The following MROH7 variants were observed in gnomAD, a reference collection of about 807,000 sequenced individuals.
MROH7 encodes the protein maestro heat like repeat family member 7.
Under a neutral mutation model 129.2 loss-of-function variants are expected in MROH7, and 113 were observed. The observed-to-expected ratio is 0.87, with a 90% confidence interval of 0.75 to 1.02. MROH7 has a LOEUF of 1.02. Among genes scored for constraint, MROH7 ranks in the 50% least tolerant of loss-of-function variants. MROH7 has a pLI of 0.00. For missense variants in MROH7, 1,601 were observed against 1,671.3 expected, an observed-to-expected ratio of 0.96 and a Z score of 0.73; for synonymous variants, 655 against 667.9, an observed-to-expected ratio of 0.98 and a Z score of 0.30.
intron 15 of MROH7, among the ~76,000 whole-genome samples, chr1:54,690,599 A>G (rs1025038693): frequency 5.0e-4 from 76 of 151,848 alleles, no homozygotes; most frequent in African/African-American, 1.6e-3. Context: ...GCCCGCCACC[A>G]CGCCCGGCTA....
At chr1:54,676,786 G>T (rs1446048653) in intron 10 of MROH7, among the ~76,000 whole-genome samples, 2 of 151,030 alleles carry the variant, frequency 1.3e-5, no homozygotes, top group Non-Finnish European at 2.9e-5. Context: ...TCAGCTCACT[G>T]CAAACTCCAC....
At chr1:54,673,858 T>G in intron 9 of MROH7, 53 bp downstream of exon 9, 1 of 1,552,962 alleles carries the variant, frequency 6.4e-7, no homozygotes, top group Non-Finnish European at 8.9e-7. Flanking sequence ...TTCCCACTTC[T>G]GAAGGAGCCC....
rs547294495 is a variant in MROH7, at chr1:54,677,681, G to A, written c.1937-1061G>A. On this transcript the variant is annotated intron_variant, in intron 10 of 23. Transcript: ENST00000421030. ...CTTGGTGGCCCTTTCTTGTGCCCAC[G>A]TCCTGTATTCCTTGAGGAGATCCAG... Among the ~76,000 whole-genome samples, 10 of 152,280 alleles carry A rather than the reference G, an allele frequency of 6.6e-5. No homozygotes were observed. In the South Asian group the frequency reaches 1.5e-3, roughly 22 times the overall value.
intron 15 of MROH7, among the ~76,000 whole-genome samples, chr1:54,690,841 G>A (rs1172211806): frequency 6.6e-6 from 1 of 152,172 alleles, no homozygotes; most frequent in Non-Finnish European, 1.5e-5. Flanking sequence ...TCTAAGTCAG[G>A]TCATTCCCTT....
chr1:54,694,389 C>T (rs1051123338), intron 16 of MROH7, among the ~76,000 whole-genome samples: 6 of 152,238 alleles, frequency 3.9e-5, no homozygotes, highest in South Asian at 2.1e-4. Context: ...GAGTGTGCAA[C>T]GGAATTAACT....
Position 54,670,531 on chromosome 1 carries a change from C to T in MROH7, c.1424C>T (p.Ser475Leu), listed in dbSNP as rs1198299613. ...QIQEEPLDSLSSSVRKQAMEI... is the reference protein window; with the variant it reads ...QIQEEPLDSLLSSVRKQAMEI... The stretch of plus-strand genomic sequence containing the variant: ...CAGGAGGAGCCACTGGATTCTCTCT[C>T]AAGCTCCGTCCGCAAGCAGGCCATG... Residue 475 changes from serine to leucine, a missense_variant, in exon 6 of 24, where the codon TCA (serine) becomes TTA (leucine). Coordinates refer to ENST00000421030, the MANE Select transcript of MROH7 (RefSeq NM_001039464.4). 1.2e-6 allele frequency: 2 copies of T among 1,613,912 alleles called. No individual in the cohort carries two copies. The highest frequency in any genetic ancestry group is 1.1e-5 in the South Asian group (1 of 90,990).
At chr1:54,695,080 C>G (rs534634750) in intron 16 of MROH7, among the ~76,000 whole-genome samples, 1 of 152,214 alleles carries the variant, frequency 6.6e-6, no homozygotes. Flanking sequence ...CTTCCTCTCT[C>G]TGCTGCCTGA....
At position 54,665,282 on chromosome 1, in the gene MROH7, C is replaced by T. The variant is rs760520223; in HGVS notation, c.1305+42C>T. On this transcript the variant is annotated intron_variant, in intron 4 of 23. Transcript: ENST00000421030. ...ACCCCTAGCTGACTGTGCTGGGATA[C>T]TTCCATCCTGCCAACCCCCTACCCC... 4.6e-6 allele frequency: 7 copies of T among 1,535,052 alleles called. No homozygotes were observed. In the African/African-American group the frequency reaches 9.5e-5, roughly 21 times the overall value.
At chr1:54,649,225 G>A (rs1245169815) in intron 1 of MROH7, among the ~76,000 whole-genome samples, 1 of 152,244 alleles carries the variant, frequency 6.6e-6, no homozygotes, top group Non-Finnish European at 1.5e-5. Context: ...GTTAATTGAG[G>A]TGGAGAAGGG....
intron 3 of MROH7, 106 bp downstream of exon 3, chr1:54,654,263 T>C (rs996338348): frequency 1.8e-6 from 2 of 1,126,888 alleles, no homozygotes; most frequent in African/African-American, 1.6e-5. Flanking sequence ...CAGCAGGCAG[T>C]TGATAACATA....
At chr1:54,699,892 C>T (rs1645403968) in intron 17 of MROH7, 1 of 559,562 alleles carries the variant, frequency 1.8e-6, no homozygotes, top group Admixed American at 3.4e-5. Flanking sequence ...TGGATGGAGC[C>T]CTGCGAGGTG....
chr1:54,667,177 C>G (rs1364707911), intron 4 of MROH7, among the ~76,000 whole-genome samples: 2 of 152,194 alleles, frequency 1.3e-5, no homozygotes, highest in Non-Finnish European at 2.9e-5. Context: ...ATAGCTAGCT[C>G]TTGTCATTTA....
intron 22 of MROH7, 67 bp downstream of exon 22, chr1:54,706,604 C>A (rs1645538573): frequency 2.4e-6 from 3 of 1,270,214 alleles, no homozygotes; most frequent in Non-Finnish European, 3.4e-6. Context: ...TGTTTCCTCC[C>A]AGGCTGCTAG....
In MROH7 at chr1:54,674,010, A is replaced by C; in HGVS notation, c.1801-6A>C. 1 of 1,613,592 alleles carries C rather than the reference A, an allele frequency of 6.2e-7. No individual in the cohort carries two copies. The highest frequency in any genetic ancestry group is 1.3e-5 in the African/African-American group (1 of 75,024). ...CACTCAATCCCTAAGATTGCAATAC[A>C]AACAGATGCCCTTGGGGTTCCCGGC... On this transcript the variant is annotated splice_polypyrimidine_tract_variant and splice_region_variant and intron_variant, in intron 9 of 23. Transcript: ENST00000421030.
intron 21 of MROH7, 71 bp from the exon 22 acceptor site, chr1:54,706,364 C>A (rs763318131): frequency 8.8e-7 from 1 of 1,142,670 alleles, no homozygotes; most frequent in Non-Finnish European, 1.3e-6. Flanking sequence ...CCATTCCTAG[C>A]TTCAAGAAGG....
chr1:54,673,954 C>A, intron 9 of MROH7, 62 bp from the exon 10 acceptor site: 1 of 1,585,128 alleles, frequency 6.3e-7, no homozygotes, highest in Non-Finnish European at 8.6e-7. Flanking sequence ...CGGTGTTCAC[C>A]ATTTAATGTA....
Position 54,709,078 on chromosome 1 carries a change from T to C in MROH7, c.3730+2T>C. On this transcript the variant is annotated splice_donor_variant, in intron 23 of 23. Transcript: ENST00000421030. LOFTEE classifies it high-confidence loss of function. ...ATCGTCTGAATGAAGTGAAAGCTGGTAAGTCATGCCCCGCATTGGTGAAAT... is the reference window on the plus strand; with the variant it reads ...ATCGTCTGAATGAAGTGAAAGCTGGCAAGTCATGCCCCGCATTGGTGAAAT... 6.2e-7 allele frequency: 1 copy of C among 1,614,048 alleles called. No homozygotes were observed. Among genetic ancestry groups the C allele is most frequent in the Non-Finnish European group, 8.5e-7 (1 of 1,179,950 alleles).
intron 1 of MROH7, among the ~76,000 whole-genome samples, chr1:54,647,784 A>C (rs1487600149): frequency 6.6e-6 from 1 of 151,294 alleles, no homozygotes; most frequent in Non-Finnish European, 1.5e-5. Flanking sequence ...GGGCACCTGT[A>C]GCCCTAGCTA....
At chr1:54,686,068 C>G (rs1645142130) in intron 14 of MROH7, among the ~76,000 whole-genome samples, 190 bp from the exon 15 acceptor site, 1 of 151,972 alleles carries the variant, frequency 6.6e-6, no homozygotes, top group African/African-American at 2.4e-5. Flanking sequence ...TGTCCTTGCT[C>G]TGGGACAGGG....
Sources: allele counts gnomAD v4.1 joint callset (sites outside exome capture counted in the v4.1 genomes callset), GRCh38; gene constraint gnomAD v4.1.1; transcripts MANE v1.5; gene names NCBI Gene and HGNC (gene_info 2026-07-23, HGNC 2026-07-21).